The following CDH7 variants were observed in gnomAD, a reference collection of about 807,000 sequenced individuals.
The protein encoded by CDH7 is cadherin-7.
A neutral mutation model predicts 71.8 loss-of-function variants in CDH7; 25 were observed. That is an observed-to-expected ratio of 0.35 (90% confidence interval 0.25 to 0.49). The LOEUF is 0.49. Ranked by LOEUF, CDH7 falls within the 20% of genes least tolerant of loss-of-function variation. CDH7 has a pLI of 0.99. For synonymous variants in CDH7, 381 were observed against 363.8 expected (o/e 1.05, Z -0.54); for missense variants, 862 against 974.6 (o/e 0.88, Z 1.54).
Position 65,888,260 on chromosome 18 carries a change from G to C in CDH7, c.*7366G>C, listed in dbSNP as rs573293919. 10 of 152,264 alleles carry C rather than the reference G, an allele frequency of 6.6e-5. No homozygotes were observed. The highest frequency in any genetic ancestry group is 2.4e-4 in the African/African-American group (10 of 41,550). The allele number at this position is 152,264 out of a possible 1,614,324, so 9.4% of individuals were successfully genotyped here. On this transcript the variant is annotated 3_prime_UTR_variant, in exon 12 of 12. Transcript: ENST00000397968. The stretch of plus-strand genomic sequence containing the variant: ...CAAAGTGTACTCTGAATTGGAATAA[G>C]TGTAGGAAGACAAGCCGTGAGAATG...
At position 65,781,780 on chromosome 18, in the gene CDH7, T is replaced by TTTCTTTCTA. The variant is rs1568181302; in HGVS notation, c.210+18729_210+18730insTCTTTCTAT. Among the ~76,000 whole-genome samples the TTTCTTTCTA allele has an allele frequency of 1.1e-3, 63 of 59,110 alleles. 7 individuals carry two copies. The highest frequency in any genetic ancestry group is 2.4e-3 in the African/African-American group (18 of 7,546). 38.8% of individuals were successfully genotyped at this position (59,110 alleles called of 152,430 possible). A position where few individuals can be genotyped will look rare whatever the true frequency, so the allele number is the denominator to read the frequency against. The stretch of plus-strand genomic sequence containing the variant: ...TTTCTTTCTTTCTTTCCTTCCTTCC[T>TTTCTTTCTA]TCCTTCCTTCCTTCCTTCCTTCCTT... On this transcript the variant is annotated intron_variant, in intron 2 of 11. Transcript: ENST00000397968.
intron 1 of CDH7, among the ~76,000 whole-genome samples, chr18:65,752,506 C>CT (rs1915912134): frequency 6.6e-6 from 1 of 152,194 alleles, no homozygotes; most frequent in South Asian, 2.1e-4. Context: ...AGAATTACTT[C>CT]TTTCCTAAAG....
chr18:65,831,281 A>C (rs996495626), intron 6 of CDH7, among the ~76,000 whole-genome samples: 8 of 152,178 alleles, frequency 5.3e-5, no homozygotes, highest in African/African-American at 1.9e-4. Context: ...ATGGAAGAGC[A>C]ACCTGTGAGT....
At chr18:65,826,204 C>T (rs572371608) in intron 6 of CDH7, among the ~76,000 whole-genome samples, 14 of 150,990 alleles carry the variant, frequency 9.3e-5, no homozygotes, top group Middle Eastern at 3.7e-3. Context: ...AAGCATAAAA[C>T]TCATTAAAAA....
At chr18:65,801,006 T>C (rs116952946) in intron 2 of CDH7, among the ~76,000 whole-genome samples, 2,548 of 152,284 alleles carry the variant, frequency 0.017, 36 homozygotes, top group Middle Eastern at 0.037. Flanking sequence ...TTTCCTGCCA[T>C]ATGATTTCTT....
intron 6 of CDH7, among the ~76,000 whole-genome samples, chr18:65,834,251 TG>T (rs1019628291): frequency 6.6e-6 from 1 of 152,222 alleles, no homozygotes; most frequent in Non-Finnish European, 1.5e-5. Flanking sequence ...ATGTGTAGGA[TG>T]GCTTGGAACA....
Position 65,860,121 on chromosome 18 carries a change from A to G in CDH7, c.1612+296A>G, listed in dbSNP as rs12966354. ...CCAAGTTCATTATCCAAATAATCTAATAAGTTGATGGTCAACTAAATACCC... is the reference window on the plus strand; with the variant it reads ...CCAAGTTCATTATCCAAATAATCTAGTAAGTTGATGGTCAACTAAATACCC... On this transcript the variant is annotated intron_variant, in intron 10 of 11. Transcript: ENST00000397968. Among the ~76,000 whole-genome samples the G allele has an allele frequency of 0.62, 94,317 of 152,038 alleles. 31,771 individuals carry two copies. The highest frequency in any genetic ancestry group is 0.92 in the East Asian group (4,775 of 5,176).
At chr18:65,763,594 G>GT (rs1555680614) in intron 2 of CDH7, among the ~76,000 whole-genome samples, 5,326 of 99,170 alleles carry the variant, frequency 0.054, 136 homozygotes, top group African/African-American at 0.091. Flanking sequence ...TTGATAGGGG[G>GT]GTGTGTGTGT....
chr18:65,813,880 A>C (rs897457990), intron 3 of CDH7, among the ~76,000 whole-genome samples: 1 of 152,238 alleles, frequency 6.6e-6, no homozygotes, highest in African/African-American at 2.4e-5. Context: ...CTCTTTTACG[A>C]GGGGTTTGGT....
rs1451691561 is a variant in CDH7, at chr18:65,809,725, G to C, written c.232G>C (p.Gly78Arg). 1 of 1,613,808 alleles carries C rather than the reference G, an allele frequency of 6.2e-7. No individual in the cohort carries two copies. Among genetic ancestry groups the C allele is most frequent in the Non-Finnish European group, 8.5e-7 (1 of 1,179,832 alleles). ...CCAGCTTCACTCTGATGTTGATAAA[G>C]GAGATGGTTCCATCAAATACATCTT... ...VGKLHSDVDK[G>R]DGSIKYILSG... The change falls in exon 3 of 12, where the codon GGA (glycine) becomes CGA (arginine). Residue 78 changes from glycine (G) to arginine (R), a missense_variant. Transcript: ENST00000397968.
intron 4 of CDH7, among the ~76,000 whole-genome samples, chr18:65,815,146 T>C (rs1210099112): frequency 6.6e-6 from 1 of 152,194 alleles, no homozygotes; most frequent in African/African-American, 2.4e-5. Context: ...TGAAAAGTGG[T>C]ATGGATAGAA....
At chr18:65,850,544 A>G (rs1389944757) in intron 7 of CDH7, among the ~76,000 whole-genome samples, 1 of 151,608 alleles carries the variant, frequency 6.6e-6, no homozygotes, top group African/African-American at 2.4e-5. Flanking sequence ...CTCTTCTTGC[A>G]GCTGTCTGTT....
At chr18:65,791,574 G>C (rs908877236) in intron 2 of CDH7, among the ~76,000 whole-genome samples, 3 of 152,014 alleles carry the variant, frequency 2.0e-5, no homozygotes, top group Admixed American at 6.6e-5. Context: ...TTCCACTCTG[G>C]GCCATTCTCT....
chr18:65,819,423 T>G (rs1354390403), intron 4 of CDH7, among the ~76,000 whole-genome samples: 7 of 152,178 alleles, frequency 4.6e-5, no homozygotes. Context: ...ACCTTTGAAT[T>G]CTTTCTTGGG....
At chr18:65,800,485 TG>T (rs1452001603) in intron 2 of CDH7, among the ~76,000 whole-genome samples, 3 of 152,202 alleles carry the variant, frequency 2.0e-5, no homozygotes, top group Non-Finnish European at 2.9e-5. Context: ...GTTTCTGACC[TG>T]GAGTGCTGGT....
chr18:65,756,546 G>A (rs1023474283), intron 1 of CDH7, among the ~76,000 whole-genome samples: 3 of 152,206 alleles, frequency 2.0e-5, no homozygotes, highest in African/African-American at 7.2e-5. Context: ...GTGTGTTAGT[G>A]TGTTATATAT....
intron 6 of CDH7, among the ~76,000 whole-genome samples, chr18:65,838,085 A>G (rs949693466): frequency 1.3e-5 from 2 of 151,862 alleles, no homozygotes; most frequent in African/African-American, 2.4e-5. Flanking sequence ...CCACCATGGC[A>G]GGCTAACTTT....
chr18:65,768,262 G>A (rs1426488787), intron 2 of CDH7, among the ~76,000 whole-genome samples: 1 of 150,934 alleles, frequency 6.6e-6, no homozygotes, highest in African/African-American at 2.4e-5. Context: ...TTGAGATGGA[G>A]TCTTGCTTTC....
intron 11 of CDH7, among the ~76,000 whole-genome samples, chr18:65,868,117 A>G (rs1027327669): frequency 2.6e-5 from 4 of 152,204 alleles, no homozygotes; most frequent in East Asian, 3.8e-4. Context: ...ATAATCTATA[A>G]TGATAGAACA....
Sources: allele counts gnomAD v4.1 joint callset (sites outside exome capture counted in the v4.1 genomes callset), GRCh38; gene constraint gnomAD v4.1.1; transcripts MANE v1.5; gene names NCBI Gene and HGNC (gene_info 2026-07-23, HGNC 2026-07-21).